VRK3: variants seen among roughly 807,000 people sequenced by gnomAD.
VRK3 encodes VRK serine/threonine kinase 3.
VRK3 carries 50 observed loss-of-function variants against 60.4 expected under a neutral mutation model. The ratio of observed to expected loss-of-function variants is 0.83; its 90% CI spans 0.66 to 1.05. VRK3 has a LOEUF of 1.05. Among genes scored for constraint, VRK3 ranks in the 50% least tolerant of loss-of-function variants. The probability of loss-of-function intolerance (pLI) is 0.00; values close to 1 mark genes in which losing one functional copy is unlikely to be tolerated. For synonymous variants in VRK3, 246 were observed against 227.8 expected, an observed-to-expected ratio of 1.08 and a Z score of -0.72; for missense variants, 549 against 585.3, an observed-to-expected ratio of 0.94 and a Z score of 0.64.
intron 2 of VRK3, among the ~76,000 whole-genome samples, chr19:50,018,006 G>A (rs2077105492): frequency 6.6e-6 from 1 of 152,180 alleles, no homozygotes; most frequent in South Asian, 2.1e-4. Context: ...TCACTGTAAA[G>A]GCTGGCTTCT....
At chr19:49,996,580 T>G (rs2076708578) in intron 7 of VRK3, among the ~76,000 whole-genome samples, 1 of 152,210 alleles carries the variant, frequency 6.6e-6, no homozygotes, top group Non-Finnish European at 1.5e-5. Flanking sequence ...TTCATTACCT[T>G]TGTTTTGAAT....
chr19:49,988,157 GGT>G, intron 12 of VRK3: 1 of 533,684 alleles, frequency 1.9e-6, no homozygotes. Flanking sequence ...CCACAGTGGT[GGT>G]GCCAGAGTCT....
intron 7 of VRK3, 115 bp downstream of exon 7, chr19:49,997,389 C>A: frequency 8.4e-7 from 1 of 1,184,582 alleles, no homozygotes; most frequent in Non-Finnish European, 1.2e-6. Context: ...TGGGAGCAAA[C>A]CTGGGCCTTT....
chr19:50,006,435 G>C (rs1393605262), intron 5 of VRK3, among the ~76,000 whole-genome samples: 1 of 151,512 alleles, frequency 6.6e-6, no homozygotes, highest in Non-Finnish European at 1.5e-5. Flanking sequence ...GAGTGCAGTG[G>C]TGCAACCTCG....
chr19:49,985,187 C>T (rs900979947), intron 12 of VRK3, among the ~76,000 whole-genome samples: 4 of 152,154 alleles, frequency 2.6e-5, no homozygotes, highest in African/African-American at 4.8e-5. Context: ...GGGACTCCAG[C>T]GGGCCACTCA....
intron 5 of VRK3, among the ~76,000 whole-genome samples, chr19:50,005,586 G>A (rs1346045245): frequency 6.7e-6 from 1 of 149,844 alleles, no homozygotes; most frequent in East Asian, 1.9e-4. Context: ...ATTCATGGCA[G>A]CGTTACTCAT....
At chr19:50,024,438 A>G (rs908805214) in intron 1 of VRK3, among the ~76,000 whole-genome samples, 5 of 152,198 alleles carry the variant, frequency 3.3e-5, no homozygotes, top group African/African-American at 1.2e-4. Flanking sequence ...AACAGAGAAA[A>G]AGACCTTTCA....
At chr19:49,980,029 G>A (rs1057251894) in intron 13 of VRK3, among the ~76,000 whole-genome samples, 1 of 151,838 alleles carries the variant, frequency 6.6e-6, no homozygotes, top group African/African-American at 2.4e-5. Flanking sequence ...CAGCCTGGGC[G>A]ACAGAGCAAG....
At chr19:50,019,180 A>G (rs1187274931) in intron 2 of VRK3, 2 of 135,992 alleles carry the variant, frequency 1.5e-5, no homozygotes, top group Middle Eastern at 3.5e-3. Context: ...AAAAAAAAAA[A>G]AAAAAAAGAA....
At chr19:49,995,389 GTTGGAGGTGACAACA>G (rs2076684953) in intron 7 of VRK3, 114 bp from the exon 8 acceptor site, 9 of 885,976 alleles carry the variant, frequency 1.0e-5, no homozygotes, top group Non-Finnish European at 1.6e-5. Context: ...AAGTCTCCTT[GTTGGAGGTGACAACA>G]TTGTGGGTGG....
At chr19:50,016,597 G>C (rs887938530) in intron 2 of VRK3, among the ~76,000 whole-genome samples, 2 of 152,174 alleles carry the variant, frequency 1.3e-5, no homozygotes, top group Non-Finnish European at 2.9e-5. Context: ...ATACACTTCT[G>C]CTGTATTGAG....
chr19:49,987,253 T>G (rs1317782921), intron 12 of VRK3, among the ~76,000 whole-genome samples: 2 of 152,162 alleles, frequency 1.3e-5, no homozygotes, highest in East Asian at 3.8e-4. Flanking sequence ...GGTGCTGAAC[T>G]CATACCCACA....
chr19:49,976,659 C>G lies in VRK3; in HGVS notation c.*137G>C, dbSNP rs2076335831. 1 of 152,572 alleles carries G rather than the reference C, an allele frequency of 6.6e-6. No homozygotes were observed. Among genetic ancestry groups the G allele is most frequent in the African/African-American group, 2.4e-5 (1 of 41,422 alleles). The allele number at this position is 152,572 out of a possible 1,614,324, so 9.5% of individuals were successfully genotyped here. A position where few individuals can be genotyped will look rare whatever the true frequency, so the allele number is the denominator to read the frequency against. ...AGGCTAATCAGGACTGATGAGTATC[C>G]TGAAACCAGTGGCAGGAATGCACAT... On this transcript the variant is annotated 3_prime_UTR_variant, in exon 15 of 15. Transcript: ENST00000316763.
rs568877003 is a variant in VRK3 at position 50,019,674 on chromosome 19, C to CTTTTTTTTT, written c.-2+902_-2+910dup. On this transcript the variant is annotated intron_variant, in intron 2 of 14. Coordinates refer to ENST00000316763, the MANE Select transcript of VRK3 (RefSeq NM_016440.4). ...ACAGGCATGTGCCACCATGCCTGGC[C>CTTTTTTTTT]TTTTTTTTTTTTTTTTTTTTTTTTT... Among the ~76,000 whole-genome samples, 157 of 45,008 alleles carry CTTTTTTTTT rather than the reference C, an allele frequency of 3.5e-3. 10 individuals are homozygous for CTTTTTTTTT. The highest frequency in any genetic ancestry group is 4.1e-3 in the African/African-American group (60 of 14,800). 29.5% of individuals were successfully genotyped at this position (45,008 alleles called of 152,430 possible).
intron 12 of VRK3, chr19:49,987,679 T>TA (rs1383450303): frequency 6.7e-6 from 1 of 150,322 alleles, no homozygotes; most frequent in Admixed American, 6.6e-5. Context: ...GAATGAGTCA[T>TA]AGTTTCCCAC....
rs142762938 is a variant in VRK3, at chr19:49,985,289, A to T, written c.1217+3083T>A. Among the ~76,000 whole-genome samples the T allele has an allele frequency of 4.9e-4, 75 of 152,320 alleles. No individual in the cohort carries two copies. The East Asian group carries it at 0.014, about 27-fold the overall frequency. ...CCCCAGCACCATCTGTTAAAGCTAG[A>T]GAGTAAGTGTAAAAATAAGCTCCAA... On this transcript the variant is annotated intron_variant, in intron 12 of 14. Coordinates refer to ENST00000316763, the MANE Select transcript of VRK3 (RefSeq NM_016440.4).
In VRK3 at chr19:50,017,052, G is replaced by A. The variant is rs36087123; in HGVS notation, c.-1-889C>T. The stretch of plus-strand genomic sequence containing the variant: ...TAAAAATACAAAAAAAAATTAGCTA[G>A]GTGTGGTGGCATGCACCTGTAATCC... On this transcript the variant is annotated intron_variant, in intron 2 of 14. Coordinates refer to ENST00000316763, the MANE Select transcript of VRK3 (RefSeq NM_016440.4). Among the ~76,000 whole-genome samples, 193 of 152,194 alleles carry A rather than the reference G, an allele frequency of 1.3e-3. No individual in the cohort carries two copies. In the Middle Eastern group the frequency reaches 0.02, roughly 16 times the overall value.
chr19:50,023,900 C>T (rs1047742098), intron 1 of VRK3, among the ~76,000 whole-genome samples: 5 of 152,292 alleles, frequency 3.3e-5, no homozygotes, highest in African/African-American at 9.6e-5. Context: ...AGAGGATAAA[C>T]TTGGGAAATA....
Position 49,988,451 on chromosome 19 carries a change from T to A in VRK3, c.1138A>T (p.Met380Leu). 6.2e-7 allele frequency: 1 copy of A among 1,613,768 alleles called. No homozygotes were observed. The highest frequency in any genetic ancestry group is 8.5e-7 in the Non-Finnish European group (1 of 1,179,796). ...AGAAACCCGTAGAGCCACTTCAGCA[T>A]GCAGTAGCCCAGGCTCTGGAGGTCG... ...RSDLQSLGYC[M>L]LKWLYGFLPW... Residue 380 changes from methionine (M) to leucine (L), a missense_variant, in exon 12 of 15, where the codon ATG becomes TTG. Coordinates refer to ENST00000316763, the MANE Select transcript of VRK3 (RefSeq NM_016440.4).
Sources: gnomAD v4.1 joint callset for allele counts (sites outside exome capture counted in the v4.1 genomes callset) on GRCh38, gnomAD v4.1.1 for gene constraint, MANE v1.5 for transcripts, NCBI Gene and HGNC (gene_info 2026-07-23, HGNC 2026-07-21) for gene names.